Variants in TRIM67 observed in about 807,000 individuals in gnomAD.
TRIM67 encodes tripartite motif containing 67.
In TRIM67, 39 loss-of-function variants were observed where a neutral mutation model predicts 71.0. That is an observed-to-expected ratio of 0.55 (90% CI 0.43 to 0.72). TRIM67 has a LOEUF of 0.72. Ranked by LOEUF, TRIM67 falls within the 30% of genes least tolerant of loss-of-function variation. The pLI is 0.00. For synonymous variants in TRIM67, 481 were observed against 473.9 expected, an observed-to-expected ratio of 1.01 and a Z score of -0.19; for missense variants, 973 against 1,079.2, an observed-to-expected ratio of 0.90 and a Z score of 1.38.
At chr1:231,173,073 T>C (rs1203520743) in intron 1 of TRIM67, among the ~76,000 whole-genome samples, 1 of 152,242 alleles carries the variant, frequency 6.6e-6, no homozygotes, top group African/African-American at 2.4e-5. Context: ...TGAGGACATC[T>C]TGAATGCCTA....
Position 231,163,915 on chromosome 1 carries a change from G to C in TRIM67, c.946G>C (p.Val316Leu), listed in dbSNP as rs768033992. The stretch of plus-strand genomic sequence containing the variant: ...AATGGAGAACTACAGCATGTACTGC[G>C]TGAGCTGTCGAACCCCGGTGTGTTA... ...HEMENYSMYC[V>L]SCRTPVCYLC... The change falls in exon 1 of 10, where the codon GTG (valine) becomes CTG (leucine). Residue 316 changes from valine to leucine, a missense_variant. By Grantham distance (32) the Val-to-Leu change is conservative. Around this residue, in one of 2 missense-constraint regions of TRIM67, gnomAD observed 795 missense variants for 831.3 expected, o/e 0.96. Coordinates refer to ENST00000366653, the MANE Select transcript of TRIM67 (RefSeq NM_001004342.5). 3 of 1,586,494 alleles carry C rather than the reference G, an allele frequency of 1.9e-6. No individual in the cohort carries two copies. The highest frequency in any genetic ancestry group is 1.8e-5 in the Admixed American group (1 of 56,272).
At chr1:231,212,959 G>C (rs547171463) in intron 8 of TRIM67, among the ~76,000 whole-genome samples, 1 of 152,290 alleles carries the variant, frequency 6.6e-6, no homozygotes, top group South Asian at 2.1e-4. Flanking sequence ...GACTGCGACA[G>C]AGGACTTGAT....
Position 231,216,555 on chromosome 1 carries a change from A to G in TRIM67, c.*1115A>G, listed in dbSNP as rs1036797027. On this transcript the variant is annotated 3_prime_UTR_variant, in exon 10 of 10. Transcript: ENST00000366653. ...GTTCTAGTCAGTCCACCCTATTGTC[A>G]TTATGAAAGCATCATGAACACAAGT... 2.0e-6 allele frequency: 2 copies of G among 985,414 alleles called. No homozygotes were observed. The highest frequency in any genetic ancestry group is 1.1e-4 in the East Asian group (1 of 8,826). 61.0% of individuals were successfully genotyped at this position (985,414 alleles called of 1,614,324 possible).
chr1:231,195,450 G>C (rs114584871), intron 1 of TRIM67, among the ~76,000 whole-genome samples: 3,069 of 152,352 alleles, frequency 0.02, 110 homozygotes, highest in African/African-American at 0.068. Flanking sequence ...GCTGGCAACA[G>C]ATGGTGGTAC....
At chr1:231,204,725 A>ACC (rs1489608589) in intron 6 of TRIM67, among the ~76,000 whole-genome samples, 50 of 152,292 alleles carry the variant, frequency 3.3e-4, no homozygotes, top group African/African-American at 1.2e-3. Flanking sequence ...AAGATTAAAT[A>ACC]AACACTCATT....
Position 231,162,819 on chromosome 1 carries a change from G to A in TRIM67, c.-151G>A, listed in dbSNP as rs909862973. The A allele has an allele frequency of 1.0e-6, 1 of 985,872 alleles. No individual in the cohort carries two copies. Among genetic ancestry groups the A allele is most frequent in the Non-Finnish European group, 1.5e-6 (1 of 686,514 alleles). The allele number at this position is 985,872 out of a possible 1,614,324, so 61.1% of individuals were successfully genotyped here. On this transcript the variant is annotated 5_prime_UTR_variant, in exon 1 of 10. Transcript: ENST00000366653. ...GCGGTGGCTACAGGACAGAGAGAGG[G>A]GCGTGCCCCTCGGCTGTGAAGTGGG...
At chr1:231,208,784 T>TTG (rs962902129) in intron 7 of TRIM67, among the ~76,000 whole-genome samples, 163 bp from the exon 8 acceptor site, 1 of 152,036 alleles carries the variant, frequency 6.6e-6, no homozygotes, top group African/African-American at 2.4e-5. Context: ...GTGTGTACGT[T>TTG]TGTGTGTGTG....
chr1:231,199,049 A>G lies in TRIM67; in HGVS notation c.1143A>G (p.Glu381=), dbSNP rs1295590559. Residue 381 remains glutamate, a splice_region_variant and synonymous_variant, in exon 3 of 10, where the codon GAA becomes GAG. Coordinates refer to ENST00000366653, the MANE Select transcript of TRIM67 (RefSeq NM_001004342.5). ...QLKNILQQIQ[E]NGLDYEACLV... ...AACCAACCCCCAACCTCTGCCAGGA[A>G]AACGGACTGGACTACGAAGCCTGCC... The G allele has an allele frequency of 2.5e-6, 4 of 1,613,888 alleles. No individual in the cohort carries two copies. Among genetic ancestry groups the G allele is most frequent in the Non-Finnish European group, 3.4e-6 (4 of 1,179,874 alleles).
intron 6 of TRIM67, among the ~76,000 whole-genome samples, chr1:231,204,853 T>A (rs904113128): frequency 6.6e-6 from 1 of 152,178 alleles, no homozygotes; most frequent in Admixed American, 6.5e-5. Flanking sequence ...GAGATGTACA[T>A]ATGTGTCGTT....
At position 231,199,187 on chromosome 1, in the gene TRIM67, T is replaced by A. The variant is rs754022120; in HGVS notation, c.1263+18T>A. 9.3e-6 allele frequency: 15 copies of A among 1,613,068 alleles called. No individual in the cohort carries two copies. The highest frequency in any genetic ancestry group is 1.6e-4 in the Middle Eastern group (1 of 6,062). On this transcript the variant is annotated intron_variant, in intron 3 of 9. Coordinates refer to ENST00000366653, the MANE Select transcript of TRIM67 (RefSeq NM_001004342.5). ...AGTTGAAGGTAGGTACCTGGGGGAC[T>A]GACACATTGAATCCCTGCCACATCC... is the stretch of plus-strand genomic sequence containing the variant.
Position 231,200,258 on chromosome 1 carries a change from G to T in TRIM67, c.1374G>T (p.Gln458His), listed in dbSNP as rs1434209685. The T allele has an allele frequency of 1.9e-6, 3 of 1,605,696 alleles. No individual in the cohort carries two copies. The African/African-American group carries it at 4.0e-5, about 21-fold the overall frequency. Reference protein sequence around the residue: ...IKENDPSGFLQISDALIKRVQ... With the variant: ...IKENDPSGFLHISDALIKRVQ... ...AGAACGACCCCTCCGGGTTCTTACAGGTGAGCCTGTCCCTGGAAGACACAA... is the reference window on the plus strand; with the variant it reads ...AGAACGACCCCTCCGGGTTCTTACATGTGAGCCTGTCCCTGGAAGACACAA... Residue 458 changes from glutamine (Q) to histidine (H), a missense_variant and splice_region_variant, in exon 4 of 10, where the codon CAG becomes CAT. Physicochemically the swap from Gln to His is conservative, Grantham distance 24. Coordinates refer to ENST00000366653, the MANE Select transcript of TRIM67 (RefSeq NM_001004342.5).
chr1:231,215,745 C>G lies in TRIM67; in HGVS notation c.*305C>G, dbSNP rs1683999367. 1 of 1,168,114 alleles carries G rather than the reference C, an allele frequency of 8.6e-7. No homozygotes were observed. Among genetic ancestry groups the G allele is most frequent in the East Asian group, 4.0e-5 (1 of 25,028 alleles). 72.4% of individuals were successfully genotyped at this position (1,168,114 alleles called of 1,614,324 possible). ...GGGAGTCAGCATTCGGGCTTCATGT[C>G]TATGTTTCCTGCCATCTGTTTTCAA... is the stretch of plus-strand genomic sequence containing the variant. On this transcript the variant is annotated 3_prime_UTR_variant, in exon 10 of 10. Transcript: ENST00000366653.
In TRIM67 at chr1:231,187,381, C is replaced by A. The variant is rs542509350; in HGVS notation, c.1045-9990C>A. On this transcript the variant is annotated intron_variant, in intron 1 of 9. Coordinates refer to ENST00000366653, the MANE Select transcript of TRIM67 (RefSeq NM_001004342.5). ...GTCAATTTCTCTGCTTACCCAGGAG[C>A]CTCTACCTTTTAATTTTTTTAAAAA... is the stretch of plus-strand genomic sequence containing the variant. 6 of 774,630 alleles carry A rather than the reference C, an allele frequency of 7.7e-6. No individual in the cohort carries two copies. In the East Asian group the frequency reaches 1.1e-4, roughly 15 times the overall value. 48.0% of individuals were successfully genotyped at this position (774,630 alleles called of 1,614,324 possible).
At position 231,189,971 on chromosome 1, in the gene TRIM67, G is replaced by T. The variant is rs539225018; in HGVS notation, c.1045-7400G>T. Among the ~76,000 whole-genome samples the T allele has an allele frequency of 1.3e-5, 2 of 152,266 alleles. 1 individual carries two copies. The highest frequency in any genetic ancestry group is 4.8e-5 in the African/African-American group (2 of 41,548). On this transcript the variant is annotated intron_variant, in intron 1 of 9. Transcript: ENST00000366653. ...AGAGCCTCCAGAAGGAACCAGCCCT[G>T]CCCATACCTTGATTTTAGGCTTGTA...
intron 1 of TRIM67, among the ~76,000 whole-genome samples, chr1:231,176,948 T>C (rs928141932): frequency 1.2e-4 from 16 of 135,252 alleles, no homozygotes; most frequent in Non-Finnish European, 2.2e-4. Flanking sequence ...CTCAATTTGC[T>C]CAGCTAAGTT....
chr1:231,187,469 CTT>C, intron 1 of TRIM67: 1 of 1,427,742 alleles, frequency 7.0e-7, no homozygotes, highest in Non-Finnish European at 9.3e-7. Flanking sequence ...GCATTTTTAA[CTT>C]ATTAGGCATT....
In TRIM67 at chr1:231,217,771, T is replaced by C. The variant is rs2102770227; in HGVS notation, c.*2331T>C. ...GAATCGCCCATCATTGGAGCACAAG[T>C]TGCCTGGGGCTACCCTGAACCTAAC... On this transcript the variant is annotated 3_prime_UTR_variant, in exon 10 of 10. Coordinates refer to ENST00000366653, the MANE Select transcript of TRIM67 (RefSeq NM_001004342.5). The C allele has an allele frequency of 7.8e-7, 1 of 1,282,010 alleles. No individual in the cohort carries two copies. Among genetic ancestry groups the C allele is most frequent in the Non-Finnish European group, 1.0e-6 (1 of 985,154 alleles). 79.4% of individuals were successfully genotyped at this position (1,282,010 alleles called of 1,614,324 possible).
At position 231,170,882 on chromosome 1, in the gene TRIM67, A is replaced by G. The variant is rs540359402; in HGVS notation, c.1044+6869A>G. Among the ~76,000 whole-genome samples the G allele has an allele frequency of 2.6e-5, 4 of 152,324 alleles. No individual in the cohort carries two copies. In the South Asian group the frequency reaches 8.3e-4, roughly 32 times the overall value. ...CATAGAAAATAATTTGCTCTCCTTT[A>G]GATTGCAGCCTTGTTGGTCGCAATC... On this transcript the variant is annotated intron_variant, in intron 1 of 9. Transcript: ENST00000366653.
In TRIM67 at chr1:231,221,019, A is replaced by T. The variant is rs1186861609; in HGVS notation, c.*5579A>T. On this transcript the variant is annotated 3_prime_UTR_variant, in exon 10 of 10. Coordinates refer to ENST00000366653, the MANE Select transcript of TRIM67 (RefSeq NM_001004342.5). ...AACTCCTCCTAGCCCTGGAAACCAGACACCCAGAGCCCCAGGCTTTCTCGG... is the reference window on the plus strand; with the variant it reads ...AACTCCTCCTAGCCCTGGAAACCAGTCACCCAGAGCCCCAGGCTTTCTCGG... 6.6e-6 allele frequency: 1 copy of T among 152,326 alleles called. No individual in the cohort carries two copies. Among genetic ancestry groups the T allele is most frequent in the Admixed American group, 6.5e-5 (1 of 15,288 alleles). 9.4% of individuals were successfully genotyped at this position (152,326 alleles called of 1,614,324 possible). A position where few individuals can be genotyped will look rare whatever the true frequency, so the allele number is the denominator to read the frequency against.
Sources: allele counts gnomAD v4.1 joint callset (sites outside exome capture counted in the v4.1 genomes callset), GRCh38; gene constraint gnomAD v4.1.1; regional missense constraint gnomAD v4.1.1; transcripts MANE v1.5; gene names NCBI Gene and HGNC (gene_info 2026-07-23, HGNC 2026-07-21).